The following KIAA2012 variants were observed in gnomAD, a reference collection of about 807,000 sequenced individuals.
KIAA2012 encodes the protein uncharacterized protein KIAA2012.
Under a neutral mutation model 150.6 loss-of-function variants are expected in KIAA2012, and 125 were observed. The observed-to-expected ratio is 0.83, with a 90% CI of 0.72 to 0.96. The LOEUF (loss-of-function observed/expected upper bound fraction) is 0.96, where lower values mean the gene tolerates loss of function less well. KIAA2012 is among the 40% of genes least tolerant of loss of function. KIAA2012 has a pLI of 0.00. For synonymous variants in KIAA2012, 462 were observed against 504.7 expected, an observed-to-expected ratio of 0.92 and a Z score of 1.13; for missense variants, 1,219 against 1,354.9, an observed-to-expected ratio of 0.90 and a Z score of 1.57.
intron 15 of KIAA2012, among the ~76,000 whole-genome samples, chr2:202,180,919 A>G (rs1361847304): frequency 6.6e-6 from 1 of 152,202 alleles, no homozygotes; most frequent in Non-Finnish European, 1.5e-5. Flanking sequence ...TTAAAATTAC[A>G]TGTTTGGTTA....
At chr2:202,115,189 G>A (rs1690483956) in intron 11 of KIAA2012, 1 of 152,166 alleles carries the variant, frequency 6.6e-6, no homozygotes, top group Admixed American at 6.6e-5. Flanking sequence ...TGGAGCAAAA[G>A]TAATTGCGGT....
chr2:202,080,640 G>A (rs1389123746), intron 2 of KIAA2012, among the ~76,000 whole-genome samples: 3 of 148,294 alleles, frequency 2.0e-5, no homozygotes, highest in Non-Finnish European at 4.4e-5. Context: ...AGGCTGTGGT[G>A]AGCCAAGATC....
intron 15 of KIAA2012, among the ~76,000 whole-genome samples, chr2:202,171,711 C>T (rs1410010809): frequency 2.0e-5 from 3 of 152,130 alleles, no homozygotes; most frequent in Non-Finnish European, 2.9e-5. Flanking sequence ...CACGCATAGT[C>T]CCTGGGGAGA....
At chr2:202,124,051 G>C (rs532910992) in intron 11 of KIAA2012, among the ~76,000 whole-genome samples, 2 of 152,122 alleles carry the variant, frequency 1.3e-5, no homozygotes, top group Non-Finnish European at 1.5e-5. Flanking sequence ...AATTAGCCGG[G>C]TGTTGGTGGC....
At chr2:202,122,159 G>C (rs1180364953) in intron 11 of KIAA2012, among the ~76,000 whole-genome samples, 1 of 152,244 alleles carries the variant, frequency 6.6e-6, no homozygotes, top group Non-Finnish European at 1.5e-5. Flanking sequence ...TGTATGCCAG[G>C]AGAGAGCCAA....
At position 202,196,087 on chromosome 2, in the gene KIAA2012, A is replaced by G. The variant is rs1692407425; in HGVS notation, c.3188-713A>G. Among the ~76,000 whole-genome samples the G allele has an allele frequency of 2.0e-5, 3 of 151,432 alleles. No homozygotes were observed. In the South Asian group the frequency reaches 6.2e-4, roughly 32 times the overall value. On this transcript the variant is annotated intron_variant, in intron 21 of 23. Coordinates refer to ENST00000498697, the MANE Select transcript of KIAA2012 (RefSeq NM_001277372.4). ...GTCCAGCCTCACCTTTGAGGAAGAG[A>G]TAGGAACTTCAGCAGACAAAACTGT...
chr2:202,122,570 G>C (rs147497248), intron 11 of KIAA2012, among the ~76,000 whole-genome samples: 3 of 148,702 alleles, frequency 2.0e-5, no homozygotes, highest in African/African-American at 7.4e-5. Context: ...GCACGATCTC[G>C]GCTCACTGCA....
rs1333078646 is a variant in KIAA2012 at position 202,190,484 on chromosome 2, C to T, written c.2802C>T (p.Asp934=). ...MESKEERRCE[D]PSKALLTKRE... is the part of the protein sequence containing the mutation. ...CTAAAGAAGAGAGAAGATGTGAGGA[C>T]CCTTCCAAGGTAGGGTCTGATGTCC... is the stretch of plus-strand genomic sequence containing the variant. The change falls in exon 19 of 24, where the codon GAC becomes GAT. Residue 934 remains aspartate, a synonymous_variant. Coordinates refer to ENST00000498697, the MANE Select transcript of KIAA2012 (RefSeq NM_001277372.4). The T allele has an allele frequency of 4.6e-6, 7 of 1,522,910 alleles. No homozygotes were observed. The highest frequency in any genetic ancestry group is 1.3e-5 in the South Asian group (1 of 79,874). 94.3% of individuals were successfully genotyped at this position (1,522,910 alleles called of 1,614,324 possible). A position where few individuals can be genotyped will look rare whatever the true frequency, so the allele number is the denominator to read the frequency against.
intron 22 of KIAA2012, 91 bp from the exon 23 acceptor site, chr2:202,202,338 A>T (rs1692547751): frequency 2.5e-6 from 1 of 400,980 alleles, no homozygotes; most frequent in South Asian, 1.3e-4. Context: ...ACTGATAATT[A>T]TTCAAATCTA....
chr2:202,133,130 A>ATATATATATATTTTTTTTTTTTTTTTTT (rs1279080237), intron 12 of KIAA2012, among the ~76,000 whole-genome samples: 7 of 67,776 alleles, frequency 1.0e-4, no homozygotes, highest in Admixed American at 1.8e-4. Flanking sequence ...ATATATATAT[A>ATATATATATATTTTTTTTTTTTTTTTTT]TTTTTTTTTT....
chr2:202,116,610 T>C (rs1267711009), intron 11 of KIAA2012: 1 of 151,602 alleles, frequency 6.6e-6, no homozygotes, highest in Non-Finnish European at 1.5e-5. Context: ...CAGCCTTTCT[T>C]GTTTGTTTGT....
intron 7 of KIAA2012, among the ~76,000 whole-genome samples, chr2:202,101,735 G>A (rs562217305): frequency 3.9e-5 from 6 of 152,248 alleles, no homozygotes; most frequent in South Asian, 4.1e-4. Context: ...GTGGGCAGCC[G>A]GCACCTGGAC....
At chr2:202,203,913 G>A (rs1008849485) in intron 23 of KIAA2012, among the ~76,000 whole-genome samples, 2 of 151,890 alleles carry the variant, frequency 1.3e-5, no homozygotes, top group Non-Finnish European at 2.9e-5. Flanking sequence ...GAGACTACAG[G>A]CCCCCGCCAC....
At position 202,196,902 on chromosome 2, in the gene KIAA2012, G is replaced by A. The variant is rs746082062; in HGVS notation, c.3290G>A (p.Arg1097Gln). Residue 1097 changes from arginine to glutamine, a missense_variant, in exon 22 of 24, where the codon CGG becomes CAG. Arg to Gln is a conservative substitution (Grantham distance 43). Transcript: ENST00000498697. ...AEEERLEYQR[R>Q]KQEAEEKARL... ...GAGGAACGACTGGAGTACCAGCGGC[G>A]GAAACAGGAAGCAGAAGAGAAGGCT... is the stretch of plus-strand genomic sequence containing the variant. 3 of 1,550,550 alleles carry A rather than the reference G, an allele frequency of 1.9e-6. No homozygotes were observed. Among genetic ancestry groups the A allele is most frequent in the East Asian group, 2.4e-5 (1 of 40,934 alleles).
chr2:202,107,589 G>C (rs577121695), intron 9 of KIAA2012, among the ~76,000 whole-genome samples: 34 of 152,238 alleles, frequency 2.2e-4, no homozygotes, highest in East Asian at 1.4e-3. Flanking sequence ...TGACCACCAG[G>C]AACTGAGTAC....
intron 15 of KIAA2012, among the ~76,000 whole-genome samples, chr2:202,167,819 GGA>G (rs1691803553): frequency 6.6e-6 from 1 of 151,862 alleles, no homozygotes; most frequent in South Asian, 2.1e-4. Context: ...ACTCCAGCCT[GGA>G]TGACAGAGCA....
intron 13 of KIAA2012, among the ~76,000 whole-genome samples, chr2:202,149,033 G>A (rs996869363): frequency 1.3e-5 from 2 of 152,170 alleles, no homozygotes; most frequent in African/African-American, 4.8e-5. Flanking sequence ...GCCAAACACG[G>A]GGAAAGTTGC....
chr2:202,178,950 G>T lies in KIAA2012; in HGVS notation c.2120-5803G>T, dbSNP rs576468716. On this transcript the variant is annotated intron_variant, in intron 15 of 23. Transcript: ENST00000498697. ...AGATTAACTGTAGTATTAAGGGAAT[G>T]ATGCCAATGGAATAATGGGTGAACT... 185 of 268,190 alleles carry T rather than the reference G, an allele frequency of 6.9e-4. 1 individual carries two copies. In the South Asian group the frequency reaches 7.2e-3, roughly 10 times the overall value. The allele number at this position is 268,190 out of a possible 1,614,324, so 16.6% of individuals were successfully genotyped here.
At position 202,201,987 on chromosome 2, in the gene KIAA2012, T is replaced by G. The variant is rs1692539492; in HGVS notation, c.3408-442T>G. On this transcript the variant is annotated intron_variant, in intron 22 of 23. Coordinates refer to ENST00000498697, the MANE Select transcript of KIAA2012 (RefSeq NM_001277372.4). ...CATGTCACGTGACAGTCCATCTGTC[T>G]AGCGTTACCCAACGCCTGAGTGGCG... 1.3e-5 allele frequency: 8 copies of G among 617,072 alleles called. No individual in the cohort carries two copies. In the Admixed American group the frequency reaches 2.2e-4, roughly 17 times the overall value. 38.2% of individuals were successfully genotyped at this position (617,072 alleles called of 1,614,324 possible).
Sources: allele counts gnomAD v4.1 joint callset (sites outside exome capture counted in the v4.1 genomes callset), GRCh38; gene constraint gnomAD v4.1.1; transcripts MANE v1.5; gene names NCBI Gene and HGNC (gene_info 2026-07-23, HGNC 2026-07-21).